Variants in CNBD1 observed in about 807,000 individuals in gnomAD.
The protein encoded by CNBD1 is cyclic nucleotide-binding domain-containing protein 1.
In CNBD1, 71 loss-of-function variants were observed where a neutral mutation model predicts 54.4. The ratio of observed to expected loss-of-function variants is 1.30; its 90% CI spans 1.08 to 1.59. The LOEUF (loss-of-function observed/expected upper bound fraction) is 1.59, where lower values mean the gene tolerates loss of function less well. CNBD1 is among the 40% of genes most tolerant of loss of function. The probability of loss-of-function intolerance (pLI) is 0.00; values close to 1 mark genes in which losing one functional copy is unlikely to be tolerated. For missense variants in CNBD1, 659 were observed against 518.0 expected (o/e 1.27, Z -2.64); for synonymous variants, 182 against 170.7 (o/e 1.07, Z -0.51).
At chr8:87,141,892 T>G (rs1269322289) in intron 4 of CNBD1, among the ~76,000 whole-genome samples, 1 of 152,186 alleles carries the variant, frequency 6.6e-6, no homozygotes, top group Non-Finnish European at 1.5e-5. Context: ...TGTTTTCAAA[T>G]TATTCATTTG....
chr8:86,949,199 G>C (rs1179235919), intron 4 of CNBD1, among the ~76,000 whole-genome samples: 1 of 152,084 alleles, frequency 6.6e-6, no homozygotes. Flanking sequence ...TTCTGGTTTT[G>C]TTCCTTTTGC....
At chr8:87,120,870 T>G (rs1811875653) in intron 4 of CNBD1, among the ~76,000 whole-genome samples, 1 of 152,024 alleles carries the variant, frequency 6.6e-6, no homozygotes, top group Admixed American at 6.5e-5. Flanking sequence ...TTTTTGTTTT[T>G]GTTTTGTAGA....
chr8:87,204,949 G>A (rs746137194), intron 4 of CNBD1, among the ~76,000 whole-genome samples: 3 of 150,216 alleles, frequency 2.0e-5, no homozygotes, highest in Non-Finnish European at 2.9e-5. Context: ...TACTAAGCTA[G>A]TATTTTTAAA....
At chr8:86,941,052 G>A (rs13247994) in intron 4 of CNBD1, among the ~76,000 whole-genome samples, 73,528 of 151,920 alleles carry the variant, frequency 0.48, 18,800 homozygotes, top group South Asian at 0.63. Flanking sequence ...ATGTATCCCC[G>A]TTGTTAAGTG....
intron 8 of CNBD1, among the ~76,000 whole-genome samples, chr8:87,301,216 C>T (rs1473412336): frequency 1.3e-5 from 2 of 151,920 alleles, no homozygotes; most frequent in Non-Finnish European, 2.9e-5. Flanking sequence ...TTAAAAATTG[C>T]CAACAAAAAA....
At chr8:87,424,199 T>C (rs1352213362) in intron 2 of CNBD1, among the ~76,000 whole-genome samples, 1 of 152,058 alleles carries the variant, frequency 6.6e-6, no homozygotes, top group Non-Finnish European at 1.5e-5. Context: ...GCGGTCTATC[T>C]ATTTTGTTGA....
At chr8:87,195,774 T>C (rs1813708669) in intron 4 of CNBD1, among the ~76,000 whole-genome samples, 1 of 151,648 alleles carries the variant, frequency 6.6e-6, no homozygotes, top group Middle Eastern at 3.4e-3. Context: ...GGTTTCACCA[T>C]GTTGGCCACA....
intron 4 of CNBD1, among the ~76,000 whole-genome samples, chr8:87,168,307 A>T (rs1016519260): frequency 6.6e-6 from 1 of 152,056 alleles, no homozygotes. Flanking sequence ...ATGGGTTCAT[A>T]GTAAAAGAAT....
At chr8:87,176,942 G>A (rs549577182) in intron 4 of CNBD1, among the ~76,000 whole-genome samples, 2 of 152,166 alleles carry the variant, frequency 1.3e-5, no homozygotes, top group African/African-American at 2.4e-5. Context: ...TCCTTAGAGA[G>A]AATGACAGGA....
At chr8:86,874,547 G>A (rs917808096) in intron 1 of CNBD1, among the ~76,000 whole-genome samples, 78 of 152,120 alleles carry the variant, frequency 5.1e-4, no homozygotes, top group Admixed American at 1.3e-3. Flanking sequence ...TTGTGAAGAT[G>A]TATTTTAAGG....
At chr8:87,403,033 C>A (rs1308058945) in intron 2 of CNBD1, among the ~76,000 whole-genome samples, 1 of 151,920 alleles carries the variant, frequency 6.6e-6, no homozygotes, top group Non-Finnish European at 1.5e-5. Context: ...AATTGACTAG[C>A]TAAATTGAAT....
At chr8:87,323,678 C>T (rs1327351648) in intron 8 of CNBD1, among the ~76,000 whole-genome samples, 10 of 135,812 alleles carry the variant, frequency 7.4e-5, no homozygotes, top group Non-Finnish European at 1.6e-4. Flanking sequence ...GCTGAAGTTG[C>T]TTATCAGCTT....
chr8:87,061,722 T>A (rs931650621), intron 4 of CNBD1, among the ~76,000 whole-genome samples: 1 of 152,190 alleles, frequency 6.6e-6, no homozygotes, highest in Non-Finnish European at 1.5e-5. Context: ...TCAAAGAATA[T>A]GAAAATTGTG....
At chr8:87,331,796 C>T (rs1326511150) in intron 8 of CNBD1, among the ~76,000 whole-genome samples, 1 of 152,102 alleles carries the variant, frequency 6.6e-6, no homozygotes, top group Non-Finnish European at 1.5e-5. Context: ...TTTTGATATG[C>T]ATTTCTCTAA....
chr8:87,165,603 T>A (rs1812945573), intron 4 of CNBD1, among the ~76,000 whole-genome samples: 1 of 151,892 alleles, frequency 6.6e-6, no homozygotes. Flanking sequence ...TTGCATTGAG[T>A]AGGTTTTTCC....
Position 87,286,624 on chromosome 8 carries a change from A to G in CNBD1, c.995A>G (p.Tyr332Cys), listed in dbSNP as rs114743981. Residue 332 changes from tyrosine (Y) to cysteine (C), a missense_variant, in exon 8 of 11, where the codon TAT becomes TGT. By Grantham distance (194) the Tyr-to-Cys change is radical. Transcript: ENST00000518476. ...YYEEWPTLSI[Y>C]ELIALLKWKK... ...GAGGAATGGCCTACTTTATCCATAT[A>G]TGAGCTAATTGCACTCCTTAAATGG... The G allele has an allele frequency of 4.4e-4, 670 of 1,530,464 alleles. 6 individuals are homozygous for G. The African/African-American group carries it at 8.4e-3, about 19-fold the overall frequency. The allele number at this position is 1,530,464 out of a possible 1,614,324, so 94.8% of individuals were successfully genotyped here.
chr8:87,075,494 G>A lies in CNBD1; in HGVS notation c.432-130499G>A, dbSNP rs1052967987. 1.1e-4 allele frequency among the ~76,000 whole-genome samples: 17 copies of A among 152,140 alleles called. 1 individual carries two copies. Among genetic ancestry groups the A allele is most frequent in the Admixed American group, 7.9e-4 (12 of 15,276 alleles). On this transcript the variant is annotated intron_variant, in intron 4 of 10. Coordinates refer to ENST00000518476, the MANE Select transcript of CNBD1 (RefSeq NM_173538.3). ...TACCACATCCAGACAGTGAGATGCTGGAGTCCTCATTCATCATGATTGCTT... is the reference window on the plus strand; with the variant it reads ...TACCACATCCAGACAGTGAGATGCTAGAGTCCTCATTCATCATGATTGCTT...
intron 4 of CNBD1, among the ~76,000 whole-genome samples, chr8:86,952,441 C>G (rs1398835499): frequency 6.6e-6 from 1 of 151,760 alleles, no homozygotes; most frequent in Non-Finnish European, 1.5e-5. Context: ...AGATATATTA[C>G]AGTATAGACA....
At chr8:87,276,613 G>A (rs1808485407) in intron 6 of CNBD1, among the ~76,000 whole-genome samples, 1 of 151,890 alleles carries the variant, frequency 6.6e-6, no homozygotes, top group Non-Finnish European at 1.5e-5. Context: ...CCATGGTGAA[G>A]TAGCTTGCCT....
Sources: gnomAD v4.1 joint callset for allele counts (sites outside exome capture counted in the v4.1 genomes callset) on GRCh38, gnomAD v4.1.1 for gene constraint, MANE v1.5 for transcripts, NCBI Gene and HGNC (gene_info 2026-07-23, HGNC 2026-07-21) for gene names.